Variants in IRF2 observed in about 807,000 individuals in gnomAD.
IRF2 encodes interferon regulatory factor 2.
Under a neutral mutation model 40.6 loss-of-function variants are expected in IRF2, and 15 were observed. The observed-to-expected ratio is 0.37, with a 90% CI of 0.25 to 0.57. The LOEUF is 0.57. Among genes scored for constraint, IRF2 ranks in the 20% least tolerant of loss-of-function variants. The pLI is 0.77. For missense variants in IRF2, 317 were observed against 455.7 expected (o/e 0.70, Z 2.77); for synonymous variants, 151 against 165.5 (o/e 0.91, Z 0.67).
intron 3 of IRF2, among the ~76,000 whole-genome samples, chr4:184,419,193 G>C (rs1377388335): frequency 6.6e-6 from 1 of 152,100 alleles, no homozygotes; most frequent in Non-Finnish European, 1.5e-5. Flanking sequence ...TATAGCATCA[G>C]AACAACTGAG....
intron 1 of IRF2, among the ~76,000 whole-genome samples, chr4:184,464,563 C>T (rs907862757): frequency 6.6e-6 from 1 of 152,216 alleles, no homozygotes; most frequent in East Asian, 1.9e-4. Context: ...ACTTCACTTA[C>T]CATGAGAATT....
intron 1 of IRF2, among the ~76,000 whole-genome samples, chr4:184,449,705 C>T (rs1455110453): frequency 6.6e-6 from 1 of 152,170 alleles, no homozygotes; most frequent in Non-Finnish European, 1.5e-5. Context: ...ACCAATAATG[C>T]TTTAAATGAC....
intron 1 of IRF2, among the ~76,000 whole-genome samples, chr4:184,453,653 G>A (rs980320943): frequency 1.3e-5 from 2 of 152,222 alleles, no homozygotes; most frequent in Non-Finnish European, 2.9e-5. Context: ...CACTGGAGAC[G>A]TAACAGTATA....
Position 184,454,922 on chromosome 4 carries a change from A to G in IRF2, c.-7+19457T>C, listed in dbSNP as rs566516375. Reference sequence around the variant, plus strand: ...TCTCCCCTAAGACTTCCCCAAAGAAATTCCAAACAGTAGGGCCCGTGCTCC... The same window carrying G: ...TCTCCCCTAAGACTTCCCCAAAGAAGTTCCAAACAGTAGGGCCCGTGCTCC... On this transcript the variant is annotated intron_variant, in intron 1 of 8. Transcript: ENST00000393593. Among the ~76,000 whole-genome samples, 266 of 152,298 alleles carry G rather than the reference A, an allele frequency of 1.7e-3. 1 individual carries two copies. The highest frequency in any genetic ancestry group is 6.2e-3 in the African/African-American group (257 of 41,552).
intron 1 of IRF2, among the ~76,000 whole-genome samples, chr4:184,436,216 C>A (rs1428382209): frequency 6.6e-6 from 1 of 152,182 alleles, no homozygotes; most frequent in East Asian, 1.9e-4. Flanking sequence ...ACCTCGTGAT[C>A]CGCCCACTTT....
chr4:184,427,965 C>G (rs1446130069), intron 2 of IRF2, among the ~76,000 whole-genome samples: 1 of 152,192 alleles, frequency 6.6e-6, no homozygotes, highest in East Asian at 1.9e-4. Flanking sequence ...AGGAACTTCT[C>G]TCCTGGGCCT....
chr4:184,455,723 G>A (rs567960965), intron 1 of IRF2, among the ~76,000 whole-genome samples: 5 of 152,036 alleles, frequency 3.3e-5, no homozygotes, highest in Non-Finnish European at 7.4e-5. Context: ...GATAAGCAAA[G>A]GAAATAAAAT....
At chr4:184,404,340 G>C (rs996786630) in intron 6 of IRF2, among the ~76,000 whole-genome samples, 2 of 152,122 alleles carry the variant, frequency 1.3e-5, no homozygotes, top group African/African-American at 4.8e-5. Context: ...TGATGACATG[G>C]CACAGATGGA....
chr4:184,450,613 C>A (rs901941048), intron 1 of IRF2, among the ~76,000 whole-genome samples: 1 of 152,212 alleles, frequency 6.6e-6, no homozygotes, highest in East Asian at 1.9e-4. Context: ...GTTTACCTAA[C>A]AATACGTATG....
In IRF2 at chr4:184,388,055, T is replaced by C. The variant is rs1736119714; in HGVS notation, c.*703A>G. On this transcript the variant is annotated 3_prime_UTR_variant, in exon 9 of 9. Transcript: ENST00000393593. This position sits in a 1 kb window ranked among gnomAD's most constrained non-coding sequence, Gnocchi z 4.6. ...TGCATAATATTTCCATGATACTTTT[T>C]CCTTTGTACCGCGTGGCATTCAAGC... 1 of 152,696 alleles carries C rather than the reference T, an allele frequency of 6.5e-6. No homozygotes were observed. The highest frequency in any genetic ancestry group is 1.5e-5 in the Non-Finnish European group (1 of 68,050). 9.5% of individuals were successfully genotyped at this position (152,696 alleles called of 1,614,324 possible). A position where few individuals can be genotyped will look rare whatever the true frequency, so the allele number is the denominator to read the frequency against.
At chr4:184,455,301 C>CTTTTTTTTTTTTTTTTTTT (rs1238177005) in intron 1 of IRF2, among the ~76,000 whole-genome samples, 1 of 31,928 alleles carries the variant, frequency 3.1e-5, no homozygotes, top group Non-Finnish European at 5.3e-5. Flanking sequence ...CCTTCTTCTT[C>CTTTTTTTTTTTTTTTTTTT]TTTTTTTTTT....
At chr4:184,419,591 A>C (rs1737407237) in intron 2 of IRF2, 23 bp from the exon 3 acceptor site, 2 of 1,382,914 alleles carry the variant, frequency 1.4e-6, no homozygotes, top group Admixed American at 1.9e-5. Context: ...AAAAAAAAAA[A>C]GGTAAAGAAC....
intron 7 of IRF2, among the ~76,000 whole-genome samples, chr4:184,392,508 C>T (rs771928548): frequency 2.6e-5 from 4 of 152,362 alleles, no homozygotes; most frequent in South Asian, 2.1e-4. Flanking sequence ...TCTCATCCCC[C>T]GTTACGCAGA....
At chr4:184,393,515 T>C (rs1736333557) in intron 7 of IRF2, among the ~76,000 whole-genome samples, 1 of 152,192 alleles carries the variant, frequency 6.6e-6, no homozygotes, top group Non-Finnish European at 1.5e-5. Flanking sequence ...GGAAGTCAGA[T>C]CCTGGGGTAA....
intron 1 of IRF2, among the ~76,000 whole-genome samples, chr4:184,430,656 C>T (rs1737844844): frequency 6.6e-6 from 1 of 152,220 alleles, no homozygotes. Context: ...ATAGTCCACT[C>T]TCTTTTCCTA....
rs556961219 is a variant in IRF2, at chr4:184,413,948, G to A, written c.411+4219C>T. Reference sequence around the variant, plus strand: ...CTTCATTCCTGATGCCCCTAGTGCTGCGGAAGGACCAGTTTGACCCTGTCC... The same window carrying A: ...CTTCATTCCTGATGCCCCTAGTGCTACGGAAGGACCAGTTTGACCCTGTCC... On this transcript the variant is annotated intron_variant, in intron 5 of 8. Coordinates refer to ENST00000393593, the MANE Select transcript of IRF2 (RefSeq NM_002199.4). This position sits in a 1 kb window ranked among gnomAD's most constrained non-coding sequence, Gnocchi z 4.2. Among the ~76,000 whole-genome samples the A allele has an allele frequency of 2.2e-4, 34 of 152,298 alleles. No homozygotes were observed. The highest frequency in any genetic ancestry group is 7.7e-4 in the African/African-American group (32 of 41,558).
intron 7 of IRF2, among the ~76,000 whole-genome samples, chr4:184,392,554 C>T (rs1736296441): frequency 6.6e-6 from 1 of 152,234 alleles, no homozygotes; most frequent in Non-Finnish European, 1.5e-5. Flanking sequence ...CAGCTTTCCA[C>T]CCGGTCCCTG....
intron 5 of IRF2, among the ~76,000 whole-genome samples, chr4:184,417,716 C>A (rs1737332258): frequency 6.6e-6 from 1 of 152,198 alleles, no homozygotes; most frequent in Non-Finnish European, 1.5e-5. Context: ...ACCACTCTGT[C>A]CCCCACCAAA....
chr4:184,400,283 C>A (rs1479252445), intron 6 of IRF2, among the ~76,000 whole-genome samples: 1 of 152,184 alleles, frequency 6.6e-6, no homozygotes, highest in African/African-American at 2.4e-5. Flanking sequence ...TTAATTTGTT[C>A]ATTTCAAGGA....
Sources: gnomAD v4.1 joint callset for allele counts (sites outside exome capture counted in the v4.1 genomes callset) on GRCh38, gnomAD v4.1.1 for gene constraint, Gnocchi (gnomAD v3.1) non-coding constraint, MANE v1.5 for transcripts, NCBI Gene and HGNC (gene_info 2026-07-23, HGNC 2026-07-21) for gene names.